GRID2: variants seen among roughly 807,000 people sequenced by gnomAD.
GRID2 encodes glutamate receptor ionotropic, delta-2.
GRID2 carries 33 observed loss-of-function variants against 114.8 expected under a neutral mutation model. That is an observed-to-expected ratio of 0.29 (90% CI 0.22 to 0.38). GRID2 has a LOEUF of 0.38. GRID2 is among the 10% of genes least tolerant of loss of function. The pLI, the probability that GRID2 is intolerant of heterozygous loss-of-function variation, is 1.00. For synonymous variants in GRID2, 505 were observed against 449.9 expected, an observed-to-expected ratio of 1.12 and a Z score of -1.55; for missense variants, 1,184 against 1,257.7, an observed-to-expected ratio of 0.94 and a Z score of 0.89.
chr4:92,406,114 C>A (rs1731017567), intron 1 of GRID2, among the ~76,000 whole-genome samples: 1 of 152,084 alleles, frequency 6.6e-6, no homozygotes, highest in Non-Finnish European at 1.5e-5. Flanking sequence ...TTAGATGGTG[C>A]ACACCTGATT....
At chr4:93,219,951 G>T (rs571931168) in intron 6 of GRID2, among the ~76,000 whole-genome samples, 1 of 152,142 alleles carries the variant, frequency 6.6e-6, no homozygotes, top group East Asian at 1.9e-4. Context: ...TTTGAATTAG[G>T]CTTGCCAAAT....
At chr4:92,348,383 TGACAGG>T (rs1441127326) in intron 1 of GRID2, among the ~76,000 whole-genome samples, 1 of 152,224 alleles carries the variant, frequency 6.6e-6, no homozygotes, top group Non-Finnish European at 1.5e-5. Context: ...ATTATTTCCT[TGACAGG>T]GATGTAGAAT....
intron 1 of GRID2, among the ~76,000 whole-genome samples, chr4:92,578,198 A>G (rs999709494): frequency 5.3e-5 from 8 of 149,786 alleles, no homozygotes; most frequent in African/African-American, 1.7e-4. Context: ...TACATGTGCC[A>G]TGCTGGTGTG....
At chr4:93,394,183 A>G (rs1433982241) in intron 8 of GRID2, among the ~76,000 whole-genome samples, 1 of 152,024 alleles carries the variant, frequency 6.6e-6, no homozygotes, top group Non-Finnish European at 1.5e-5. Flanking sequence ...ATATGGCAAG[A>G]GGACCACAAT....
intron 12 of GRID2, among the ~76,000 whole-genome samples, chr4:93,495,581 C>T (rs1250850170): frequency 2.6e-5 from 4 of 151,576 alleles, no homozygotes; most frequent in South Asian, 2.1e-4. Context: ...TGGAGAGTGA[C>T]GTTGTAGAAA....
At chr4:92,495,136 A>ATT (rs1429837611) in intron 1 of GRID2, among the ~76,000 whole-genome samples, 1 of 152,018 alleles carries the variant, frequency 6.6e-6, no homozygotes. Flanking sequence ...CAAAACCAGA[A>ATT]TTCTCCTCAC....
intron 2 of GRID2, among the ~76,000 whole-genome samples, chr4:92,808,112 C>T (rs1740503025): frequency 1.3e-5 from 2 of 151,930 alleles, no homozygotes; most frequent in Non-Finnish European, 2.9e-5. Context: ...GGTGCTGCAA[C>T]TGCTGGCTTT....
chr4:92,503,053 T>C (rs549020257), intron 1 of GRID2, among the ~76,000 whole-genome samples: 24 of 151,982 alleles, frequency 1.6e-4, no homozygotes, highest in Non-Finnish European at 3.1e-4. Flanking sequence ...TTACAGGTGG[T>C]TTTAAAATGA....
At chr4:92,306,908 T>C (rs1458912481) in intron 1 of GRID2, among the ~76,000 whole-genome samples, 2 of 152,200 alleles carry the variant, frequency 1.3e-5, no homozygotes, top group African/African-American at 4.8e-5. Flanking sequence ...TTGAATATAA[T>C]TAGTACATTA....
At chr4:93,116,185 A>G (rs1316490117) in intron 4 of GRID2, among the ~76,000 whole-genome samples, 3 of 152,198 alleles carry the variant, frequency 2.0e-5, no homozygotes, top group Admixed American at 1.3e-4. Context: ...TGTTGACAGT[A>G]TAGTAATTGT....
chr4:92,996,218 A>G (rs1034699176), intron 2 of GRID2, among the ~76,000 whole-genome samples: 1 of 151,970 alleles, frequency 6.6e-6, no homozygotes, highest in Non-Finnish European at 1.5e-5. Context: ...TGAACCTGGG[A>G]AGCAGAGGTT....
chr4:93,404,336 A>G (rs1766200870), intron 9 of GRID2, among the ~76,000 whole-genome samples: 1 of 152,106 alleles, frequency 6.6e-6, no homozygotes, highest in Admixed American at 6.6e-5. Flanking sequence ...ATATTTGCGA[A>G]TATACTAAAG....
intron 2 of GRID2, among the ~76,000 whole-genome samples, chr4:92,604,480 C>G (rs1729362409): frequency 6.6e-6 from 1 of 151,906 alleles, no homozygotes; most frequent in East Asian, 1.9e-4. Flanking sequence ...TAAGTGGGAG[C>G]TGAACAATGA....
chr4:92,687,741 A>C (rs990201407), intron 2 of GRID2, among the ~76,000 whole-genome samples: 1 of 152,002 alleles, frequency 6.6e-6, no homozygotes, highest in Non-Finnish European at 1.5e-5. Context: ...AGGCAGAAGA[A>C]TCACTTGAAC....
chr4:93,159,803 T>A lies in GRID2; in HGVS notation c.736-47601T>A, dbSNP rs528070497. Reference sequence around the variant, plus strand: ...AGTACAAATCACTAGATGCATCAAATAAAATTGAATTTTGAGTTACAAAGA... The same window carrying A: ...AGTACAAATCACTAGATGCATCAAAAAAAATTGAATTTTGAGTTACAAAGA... On this transcript the variant is annotated intron_variant, in intron 4 of 15. Coordinates refer to ENST00000282020, the MANE Select transcript of GRID2 (RefSeq NM_001510.4). 3.3e-5 allele frequency among the ~76,000 whole-genome samples: 5 copies of A among 151,012 alleles called. No individual in the cohort carries two copies. The East Asian group carries it at 9.8e-4, about 30-fold the overall frequency.
chr4:92,809,341 G>A (rs1218340633), intron 2 of GRID2, among the ~76,000 whole-genome samples: 1 of 151,790 alleles, frequency 6.6e-6, no homozygotes, highest in Non-Finnish European at 1.5e-5. Flanking sequence ...TATTGTCAAG[G>A]AACTATACTA....
At chr4:93,082,004 G>C (rs1261952573) in intron 2 of GRID2, among the ~76,000 whole-genome samples, 1 of 152,126 alleles carries the variant, frequency 6.6e-6, no homozygotes, top group Non-Finnish European at 1.5e-5. Context: ...GGGCCCTGTA[G>C]ATCCAAAGCA....
At chr4:92,829,196 G>A (rs1741932804) in intron 2 of GRID2, among the ~76,000 whole-genome samples, 1 of 152,120 alleles carries the variant, frequency 6.6e-6, no homozygotes, top group South Asian at 2.1e-4. Context: ...TTTGTATAAG[G>A]TGTAAGGAAG....
chr4:93,260,311 T>C (rs1750113752), intron 8 of GRID2, among the ~76,000 whole-genome samples: 1 of 151,526 alleles, frequency 6.6e-6, no homozygotes, highest in African/African-American at 2.4e-5. Flanking sequence ...TAATAAAGTT[T>C]CTTAATGTCA....
Sources: gnomAD v4.1 joint callset for allele counts (sites outside exome capture counted in the v4.1 genomes callset) on GRCh38, gnomAD v4.1.1 for gene constraint, MANE v1.5 for transcripts, NCBI Gene and HGNC (gene_info 2026-07-23, HGNC 2026-07-21) for gene names.